The following PRRX1 variants were observed in gnomAD, a reference collection of about 807,000 sequenced individuals.
The protein encoded by PRRX1 is paired related homeobox 1, also known as paired mesoderm homeobox protein 1.
PRRX1 carries 8 observed loss-of-function variants against 24.0 expected under a neutral mutation model. That is an observed-to-expected ratio of 0.33 (90% CI 0.20 to 0.60). The LOEUF is 0.60. Ranked by LOEUF, PRRX1 falls within the 20% of genes least tolerant of loss-of-function variation. The probability of loss-of-function intolerance (pLI) is 0.82; values close to 1 mark genes in which losing one functional copy is unlikely to be tolerated. For missense variants in PRRX1, 281 were observed against 322.4 expected (o/e 0.87, Z 0.98); for synonymous variants, 160 against 131.7 (o/e 1.22, Z -1.47).
intron 3 of PRRX1, chr1:170,728,763 G>A (rs1444051389): frequency 6.6e-6 from 1 of 152,068 alleles, no homozygotes; most frequent in Admixed American, 6.5e-5. Context: ...TCTAAAAGTA[G>A]CAAAAAGCTA....
intron 3 of PRRX1, among the ~76,000 whole-genome samples, chr1:170,732,853 C>A (rs1655475018): frequency 6.6e-6 from 1 of 152,144 alleles, no homozygotes; most frequent in Non-Finnish European, 1.5e-5. Flanking sequence ...AAAACAACTA[C>A]TTGTTAATCC....
intron 1 of PRRX1, among the ~76,000 whole-genome samples, chr1:170,715,478 A>T (rs1387668578): frequency 6.6e-6 from 1 of 152,200 alleles, no homozygotes; most frequent in Admixed American, 6.5e-5. Flanking sequence ...ATATGTATAT[A>T]AATTTAGAGC....
At chr1:170,684,092 C>T (rs900000462) in intron 1 of PRRX1, among the ~76,000 whole-genome samples, 3 of 152,182 alleles carry the variant, frequency 2.0e-5, no homozygotes, top group Admixed American at 1.3e-4. Flanking sequence ...TTGTGCCTCA[C>T]ATAGTTCATA....
intron 2 of PRRX1, among the ~76,000 whole-genome samples, 170 bp downstream of exon 2, chr1:170,720,071 C>G (rs1655031912): frequency 6.6e-6 from 1 of 152,112 alleles, no homozygotes; most frequent in Admixed American, 6.5e-5. Context: ...AGTTCGAAAC[C>G]AGCCTGGGCA....
chr1:170,686,117 T>C (rs558353946), intron 1 of PRRX1, among the ~76,000 whole-genome samples: 1 of 116,006 alleles, frequency 8.6e-6, no homozygotes, highest in South Asian at 2.6e-4. Context: ...TAAGCTCACT[T>C]AAAAATGATT....
chr1:170,699,103 A>C (rs929027698), intron 1 of PRRX1, among the ~76,000 whole-genome samples: 9 of 152,188 alleles, frequency 5.9e-5, no homozygotes, highest in African/African-American at 2.2e-4. Flanking sequence ...CTTTGTGCTG[A>C]GGAATAATTC....
intron 1 of PRRX1, among the ~76,000 whole-genome samples, chr1:170,690,826 T>C (rs1653920928): frequency 6.6e-6 from 1 of 152,062 alleles, no homozygotes; most frequent in Non-Finnish European, 1.5e-5. Flanking sequence ...TTCAGAGAGA[T>C]GGATATTTCA....
At chr1:170,706,649 TAA>T (rs1385001677) in intron 1 of PRRX1, among the ~76,000 whole-genome samples, 1 of 152,210 alleles carries the variant, frequency 6.6e-6, no homozygotes, top group East Asian at 1.9e-4. Context: ...GGAAAGAGTA[TAA>T]AGTTATAATT....
intron 1 of PRRX1, among the ~76,000 whole-genome samples, chr1:170,671,523 C>T (rs1262392925): frequency 6.6e-6 from 1 of 152,368 alleles, no homozygotes; most frequent in South Asian, 2.1e-4. Flanking sequence ...CCTTCTTTCG[C>T]CGAAAGGGGG....
chr1:170,668,394 T>A (rs1653026157), intron 1 of PRRX1: 1 of 152,228 alleles, frequency 6.6e-6, no homozygotes, highest in Non-Finnish European at 1.5e-5. Context: ...AATAAGACCT[T>A]TTGTTGGAAA....
chr1:170,666,941 C>T (rs1426280358), intron 1 of PRRX1, among the ~76,000 whole-genome samples: 3 of 152,110 alleles, frequency 2.0e-5, no homozygotes, highest in Non-Finnish European at 4.4e-5. Flanking sequence ...TGGGGACAGG[C>T]TTCTGTGAGA....
rs373448980 is a variant in PRRX1 at position 170,664,322 on chromosome 1, C to T, written c.104C>T (p.Ser35Phe). 3 of 1,613,958 alleles carry T rather than the reference C, an allele frequency of 1.9e-6. No individual in the cohort carries two copies. Among genetic ancestry groups the T allele is most frequent in the Admixed American group, 1.7e-5 (1 of 60,002 alleles). Residue 35 changes from serine to phenylalanine, a missense_variant, in exon 1 of 4, where the codon TCC becomes TTC. Transcript: ENST00000239461. ...ACCCTGCAGGCGAAAAAGAACTTCT[C>T]CGTCAGTCACCTGCTAGACCTGGAG... ...LDTLQAKKNF[S>F]VSHLLDLEEA...
intron 1 of PRRX1, among the ~76,000 whole-genome samples, chr1:170,692,623 C>A (rs489090): frequency 0.86 from 127,149 of 148,204 alleles, 54,934 homozygotes; most frequent in Middle Eastern, 1. Flanking sequence ...AGGAAGTAAT[C>A]ATCTACAACA....
chr1:170,712,502 T>C (rs12135368), intron 1 of PRRX1, among the ~76,000 whole-genome samples: 1,829 of 152,296 alleles, frequency 0.012, 22 homozygotes, highest in South Asian at 0.022. Flanking sequence ...ACTGAACAGC[T>C]AAATAACAAC....
At chr1:170,689,672 G>A (rs536253240) in intron 1 of PRRX1, among the ~76,000 whole-genome samples, 41 of 152,100 alleles carry the variant, frequency 2.7e-4, no homozygotes, top group Admixed American at 1.4e-3. Context: ...TAAAAAAATC[G>A]TTTTCATTTT....
chr1:170,678,252 C>T (rs2101889737), intron 1 of PRRX1, among the ~76,000 whole-genome samples: 1 of 152,336 alleles, frequency 6.6e-6, no homozygotes, highest in African/African-American at 2.4e-5. Context: ...GGAAGACATA[C>T]AGATGGCACT....
At chr1:170,704,048 T>C (rs1654483302) in intron 1 of PRRX1, among the ~76,000 whole-genome samples, 2 of 152,328 alleles carry the variant, frequency 1.3e-5, no homozygotes, top group East Asian at 3.9e-4. Context: ...CACTGACCAT[T>C]TTTATTCTGA....
intron 1 of PRRX1, among the ~76,000 whole-genome samples, chr1:170,685,189 T>C (rs1233921309): frequency 1.3e-5 from 2 of 152,224 alleles, no homozygotes; most frequent in Admixed American, 6.5e-5. Context: ...ATGTCTTTAT[T>C]AATGATCTGA....
intron 1 of PRRX1, among the ~76,000 whole-genome samples, chr1:170,703,207 A>C (rs1301200282): frequency 6.6e-6 from 1 of 152,246 alleles, no homozygotes. Context: ...TATAGGAAGA[A>C]AATTTTATAA....
Sources: allele counts gnomAD v4.1 joint callset (sites outside exome capture counted in the v4.1 genomes callset), GRCh38; gene constraint gnomAD v4.1.1; transcripts MANE v1.5; gene names NCBI Gene and HGNC (gene_info 2026-07-23, HGNC 2026-07-21).